PRKAG2: variants seen among roughly 807,000 people sequenced by gnomAD.
PRKAG2 encodes protein kinase AMP-activated non-catalytic subunit gamma 2, also known as 5'-AMP-activated protein kinase subunit gamma-2.
Under a neutral mutation model 69.6 loss-of-function variants are expected in PRKAG2, and 26 were observed. The ratio of observed to expected loss-of-function variants is 0.37; its 90% CI spans 0.27 to 0.52. The LOEUF is 0.52. Ranked by LOEUF, PRKAG2 falls within the 20% of genes least tolerant of loss-of-function variation. PRKAG2 has a pLI of 0.90. For missense variants in PRKAG2, 557 were observed against 740.0 expected (o/e 0.75, Z 2.87); for synonymous variants, 293 against 285.0 (o/e 1.03, Z -0.28).
chr7:151,559,463 C>T lies in PRKAG2; in HGVS notation c.1678+1061G>A, dbSNP rs990163978. 46 of 985,066 alleles carry T rather than the reference C, an allele frequency of 4.7e-5. No homozygotes were observed. In the Middle Eastern group the frequency reaches 1.5e-3, roughly 33 times the overall value. 61.0% of individuals were successfully genotyped at this position (985,066 alleles called of 1,614,324 possible). A position where few individuals can be genotyped will look rare whatever the true frequency, so the allele number is the denominator to read the frequency against. On this transcript the variant is annotated intron_variant, in intron 15 of 15. Transcript: ENST00000287878. ...AGTTTCTGATTCAGTGGATATGGGA[C>T]GGGGCCCCAACATGAACATTTCATT...
intron 1 of PRKAG2, among the ~76,000 whole-genome samples, chr7:151,800,613 C>T (rs1223133163): frequency 6.6e-6 from 1 of 152,160 alleles, no homozygotes; most frequent in South Asian, 2.1e-4. Context: ...ATGAGCAGTT[C>T]CAGGACAGAG....
intron 3 of PRKAG2, among the ~76,000 whole-genome samples, chr7:151,742,150 C>T (rs1192091242): frequency 6.6e-6 from 1 of 152,200 alleles, no homozygotes; most frequent in East Asian, 1.9e-4. Context: ...CCCAAATTCA[C>T]ATCCTTCCAC....
chr7:151,739,438 CTTTATTTA>C lies in PRKAG2; in HGVS notation c.466+41706_466+41713del, dbSNP rs58335250. Among the ~76,000 whole-genome samples the C allele has an allele frequency of 4.2e-3, 618 of 147,448 alleles. 3 individuals carry two copies. Among genetic ancestry groups the C allele is most frequent in the African/African-American group, 0.014 (553 of 40,088 alleles). On this transcript the variant is annotated intron_variant, in intron 3 of 15. Transcript: ENST00000287878. ...GGAGTCCTATAAGGCATGACCCAGC[CTTTATTTA>C]TTTATTTATTTATTTATTTATTTAT...
intron 4 of PRKAG2, among the ~76,000 whole-genome samples, chr7:151,663,525 C>T (rs1218361036): frequency 6.6e-6 from 1 of 152,048 alleles, no homozygotes; most frequent in South Asian, 2.1e-4. Flanking sequence ...ACCAGCCCAG[C>T]TAATTTTTTG....
At chr7:151,861,528 C>CAAAAAAAAAAAAAAAAAAAA (rs11406004) in intron 1 of PRKAG2, among the ~76,000 whole-genome samples, 1 of 96,586 alleles carries the variant, frequency 1.0e-5, no homozygotes, top group Non-Finnish European at 2.0e-5. Flanking sequence ...ACTCTGTCTC[C>CAAAAAAAAAAAAAAAAAAAA]AAAAAAAAAA....
At chr7:151,808,845 C>A (rs776113629) in intron 1 of PRKAG2, among the ~76,000 whole-genome samples, 1 of 152,184 alleles carries the variant, frequency 6.6e-6, no homozygotes, top group Non-Finnish European at 1.5e-5. Flanking sequence ...TCTGTGAGAC[C>A]CCCGAAGGGT....
intron 3 of PRKAG2, among the ~76,000 whole-genome samples, chr7:151,686,077 A>G (rs1183710726): frequency 1.3e-5 from 2 of 152,084 alleles, no homozygotes; most frequent in Non-Finnish European, 2.9e-5. Context: ...TGAGTAGAGC[A>G]TCTGAGCCAC....
intron 1 of PRKAG2, among the ~76,000 whole-genome samples, chr7:151,870,008 T>C (rs891561816): frequency 6.6e-6 from 1 of 152,148 alleles, no homozygotes. Context: ...TACAGGCTGG[T>C]TTGGGCATTC....
intron 3 of PRKAG2, among the ~76,000 whole-genome samples, chr7:151,722,653 C>A (rs1327817334): frequency 6.6e-6 from 1 of 152,084 alleles, no homozygotes; most frequent in African/African-American, 2.4e-5. Flanking sequence ...GACACACGGA[C>A]ATGCAGCCCC....
intron 1 of PRKAG2, among the ~76,000 whole-genome samples, chr7:151,815,772 G>C (rs1399924649): frequency 6.6e-6 from 1 of 152,178 alleles, no homozygotes; most frequent in Non-Finnish European, 1.5e-5. Context: ...AAATGAACTT[G>C]AATTGTTAGG....
chr7:151,700,410 T>TGACAA (rs57792557), intron 3 of PRKAG2, among the ~76,000 whole-genome samples: 6,266 of 152,136 alleles, frequency 0.041, 457 homozygotes, highest in African/African-American at 0.14. Flanking sequence ...ATCTGCCCTT[T>TGACAA]GACAAGACTC....
At chr7:151,847,015 G>A (rs1041265392) in intron 1 of PRKAG2, among the ~76,000 whole-genome samples, 1 of 152,236 alleles carries the variant, frequency 6.6e-6, no homozygotes, top group Admixed American at 6.5e-5. Flanking sequence ...AGTGTGTATG[G>A]GGGTAAGCGG....
chr7:151,698,540 GT>G (rs1481600180), intron 3 of PRKAG2, among the ~76,000 whole-genome samples: 1 of 152,064 alleles, frequency 6.6e-6, no homozygotes, highest in Non-Finnish European at 1.5e-5. Flanking sequence ...AGGCCTGGTT[GT>G]TTGAAGGAGA....
At chr7:151,874,668 C>T (rs1031600934) in intron 1 of PRKAG2, among the ~76,000 whole-genome samples, 1 of 152,098 alleles carries the variant, frequency 6.6e-6, no homozygotes, top group Non-Finnish European at 1.5e-5. Context: ...GCGGGTCACT[C>T]GAGCCCAGCT....
intron 1 of PRKAG2, among the ~76,000 whole-genome samples, chr7:151,793,274 G>C (rs1242483965): frequency 6.6e-6 from 1 of 152,218 alleles, no homozygotes; most frequent in Non-Finnish European, 1.5e-5. Flanking sequence ...GAGTCTCGGG[G>C]CGTGCACCGC....
chr7:151,574,345 G>A (rs913146620), intron 8 of PRKAG2, among the ~76,000 whole-genome samples: 4 of 152,152 alleles, frequency 2.6e-5, no homozygotes, highest in South Asian at 2.1e-4. Flanking sequence ...TTTAAGCTAC[G>A]CTCTTTCCAG....
rs1456657849 is a variant in PRKAG2, at chr7:151,836,631, G to C, written c.114+39876C>G. Among the ~76,000 whole-genome samples the C allele has an allele frequency of 1.3e-5, 2 of 152,188 alleles. No homozygotes were observed. The highest frequency in any genetic ancestry group is 2.9e-5 in the Non-Finnish European group (2 of 68,026). ...GTAGTCTCTAGGCTGTCCCAGCTGT[G>C]CCTCTGGCCTCCTGTCTGGGTGCAG... is the stretch of plus-strand genomic sequence containing the variant. On this transcript the variant is annotated intron_variant, in intron 1 of 15. Coordinates refer to ENST00000287878, the MANE Select transcript of PRKAG2 (RefSeq NM_016203.4). This position sits in a 1 kb window ranked among gnomAD's most constrained non-coding sequence, Gnocchi z 4.1.
chr7:151,688,048 C>CCCCCCCT (rs755123330), intron 3 of PRKAG2, among the ~76,000 whole-genome samples: 19 of 143,892 alleles, frequency 1.3e-4, no homozygotes, highest in Non-Finnish European at 2.8e-4. Flanking sequence ...TGAGGCCCCC[C>CCCCCCCT]CCCGGGCTCC....
intron 1 of PRKAG2, among the ~76,000 whole-genome samples, chr7:151,866,668 T>C (rs910142400): frequency 3.3e-5 from 5 of 152,140 alleles, no homozygotes; most frequent in African/African-American, 1.2e-4. Context: ...TAGATGAGGA[T>C]GGGGCCCAGG....
Sources: gnomAD v4.1 joint callset for allele counts (sites outside exome capture counted in the v4.1 genomes callset) on GRCh38, gnomAD v4.1.1 for gene constraint, Gnocchi (gnomAD v3.1) non-coding constraint, MANE v1.5 for transcripts, NCBI Gene and HGNC (gene_info 2026-07-23, HGNC 2026-07-21) for gene names.